The following RERG variants were observed in gnomAD, a reference collection of about 807,000 sequenced individuals.
The protein encoded by RERG is RAS like estrogen regulated growth inhibitor, also known as ras-related and estrogen-regulated growth inhibitor.
RERG carries 25 observed loss-of-function variants against 23.2 expected under a neutral mutation model. The observed-to-expected ratio is 1.08, with a 90% CI of 0.79 to 1.50. The LOEUF is 1.50. Ranked by LOEUF, RERG falls within the 40% of genes most tolerant of loss-of-function variation. RERG has a pLI of 0.00. For missense variants in RERG, 253 were observed against 250.1 expected, an observed-to-expected ratio of 1.01 and a Z score of -0.08; for synonymous variants, 81 against 89.1, an observed-to-expected ratio of 0.91 and a Z score of 0.51.
At chr12:15,176,603 G>A (rs189201120) in intron 2 of RERG, among the ~76,000 whole-genome samples, 7 of 152,166 alleles carry the variant, frequency 4.6e-5, no homozygotes, top group Admixed American at 2.6e-4. Flanking sequence ...AAATCAACTT[G>A]AAGCAAGACA....
At chr12:15,129,132 T>C (rs1036251570) in intron 2 of RERG, among the ~76,000 whole-genome samples, 12 of 152,212 alleles carry the variant, frequency 7.9e-5, no homozygotes, top group African/African-American at 2.9e-4. Flanking sequence ...GAAGCTTCGC[T>C]TTCACAGCTG....
At chr12:15,206,447 C>G (rs1337954303) in intron 2 of RERG, among the ~76,000 whole-genome samples, 1 of 152,150 alleles carries the variant, frequency 6.6e-6, no homozygotes, top group Non-Finnish European at 1.5e-5. Flanking sequence ...TTTTCTGAAG[C>G]TGAAAACACA....
chr12:15,196,175 T>C (rs1865141606), intron 2 of RERG, among the ~76,000 whole-genome samples: 1 of 152,184 alleles, frequency 6.6e-6, no homozygotes. Flanking sequence ...TTTGTTGAAC[T>C]GGATTCATGT....
intron 2 of RERG, among the ~76,000 whole-genome samples, chr12:15,177,059 A>C (rs551097892): frequency 1.5e-3 from 231 of 152,368 alleles, no homozygotes; most frequent in African/African-American, 5.4e-3. Context: ...CATTCAGTTC[A>C]TCTATATCTA....
chr12:15,212,393 AT>A (rs1302222570), intron 2 of RERG, among the ~76,000 whole-genome samples: 1 of 152,142 alleles, frequency 6.6e-6, no homozygotes, highest in Non-Finnish European at 1.5e-5. Context: ...TGAAAAGTCC[AT>A]TTTAGTCACT....
At chr12:15,164,937 G>T (rs767641509) in intron 2 of RERG, among the ~76,000 whole-genome samples, 1 of 152,182 alleles carries the variant, frequency 6.6e-6, no homozygotes, top group Non-Finnish European at 1.5e-5. Context: ...TGCCGCTCTG[G>T]AAATTTTAAT....
At chr12:15,181,978 C>T (rs1204390289) in intron 2 of RERG, among the ~76,000 whole-genome samples, 1 of 151,914 alleles carries the variant, frequency 6.6e-6, no homozygotes, top group Admixed American at 6.6e-5. Context: ...CTCTCTTGTA[C>T]TTTGAAGAAT....
chr12:15,166,381 G>T (rs1455180082), intron 2 of RERG, among the ~76,000 whole-genome samples: 1 of 152,178 alleles, frequency 6.6e-6, no homozygotes, highest in Non-Finnish European at 1.5e-5. Flanking sequence ...TATGCAAAAA[G>T]AATGGGAAAA....
intron 2 of RERG, among the ~76,000 whole-genome samples, chr12:15,192,050 A>G (rs768752388): frequency 2.0e-5 from 3 of 152,160 alleles, no homozygotes; most frequent in Non-Finnish European, 4.4e-5. Context: ...CTCATGTTGA[A>G]TTGTAATCCC....
intron 2 of RERG, among the ~76,000 whole-genome samples, chr12:15,216,636 T>A (rs561025232): frequency 6.6e-6 from 1 of 152,306 alleles, no homozygotes; most frequent in African/African-American, 2.4e-5. Context: ...GGTTCCTTCC[T>A]CCAGTAAGAG....
At chr12:15,192,280 C>T (rs1213355560) in intron 2 of RERG, among the ~76,000 whole-genome samples, 1 of 152,146 alleles carries the variant, frequency 6.6e-6, no homozygotes, top group Non-Finnish European at 1.5e-5. Flanking sequence ...TGATTGGAAG[C>T]TTCCTGAGGT....
chr12:15,137,575 G>A (rs1401815985), intron 2 of RERG, among the ~76,000 whole-genome samples: 5 of 150,960 alleles, frequency 3.3e-5, no homozygotes, highest in African/African-American at 1.2e-4. Context: ...ACTTGCCCTG[G>A]AGTTTGCAAA....
chr12:15,158,312 C>T (rs565489264), intron 2 of RERG, among the ~76,000 whole-genome samples: 3 of 151,988 alleles, frequency 2.0e-5, no homozygotes, highest in South Asian at 2.1e-4. Context: ...GATAGAATCT[C>T]GCTCTGTCAT....
rs1419644967 is a variant in RERG, at chr12:15,211,872, T to C, written c.61+5557A>G. The stretch of plus-strand genomic sequence containing the variant: ...GAAAAATATATAGAATCTTAGAAAA[T>C]AATGCTCCAAAAGTTTAATGGCTAG... On this transcript the variant is annotated intron_variant, in intron 2 of 4. Transcript: ENST00000256953. 4.6e-5 allele frequency among the ~76,000 whole-genome samples: 7 copies of C among 151,730 alleles called. No individual in the cohort carries two copies. In the East Asian group the frequency reaches 5.8e-4, roughly 13 times the overall value.
chr12:15,186,656 G>A (rs781425093), intron 2 of RERG, among the ~76,000 whole-genome samples: 3 of 152,226 alleles, frequency 2.0e-5, no homozygotes. Context: ...ATCAAACAAA[G>A]AAAGATTTGG....
intron 4 of RERG, among the ~76,000 whole-genome samples, chr12:15,109,762 T>G (rs1433964719): frequency 1.3e-5 from 2 of 152,120 alleles, no homozygotes; most frequent in Non-Finnish European, 2.9e-5. Flanking sequence ...TGCTTTTAAT[T>G]TTTTTCTTGC....
At chr12:15,163,819 G>A (rs1212523092) in intron 2 of RERG, among the ~76,000 whole-genome samples, 1 of 152,080 alleles carries the variant, frequency 6.6e-6, no homozygotes, top group Non-Finnish European at 1.5e-5. Flanking sequence ...TGAAGGAGGA[G>A]CTTTCTTAAG....
chr12:15,167,365 C>A (rs1864710350), intron 2 of RERG, among the ~76,000 whole-genome samples: 1 of 152,194 alleles, frequency 6.6e-6, no homozygotes, highest in Non-Finnish European at 1.5e-5. Flanking sequence ...CCTGCCTCTT[C>A]TGGAGAAGTG....
At chr12:15,143,355 T>TTTATATA (rs1282030355) in intron 2 of RERG, among the ~76,000 whole-genome samples, 205 of 146,820 alleles carry the variant, frequency 1.4e-3, no homozygotes, top group Non-Finnish European at 2.7e-3. Context: ...CACATGTGTG[T>TTTATATA]ATGTACATAT....
Sources: gnomAD v4.1 joint callset for allele counts (sites outside exome capture counted in the v4.1 genomes callset) on GRCh38, gnomAD v4.1.1 for gene constraint, MANE v1.5 for transcripts, NCBI Gene and HGNC (gene_info 2026-07-23, HGNC 2026-07-21) for gene names.